MFRP: variants seen among roughly 807,000 people sequenced by gnomAD.
MFRP encodes C1q and TNF related 5.
MFRP carries 74 observed loss-of-function variants against 65.8 expected under a neutral mutation model. The observed-to-expected ratio is 1.12, with a 90% confidence interval of 0.93 to 1.36. MFRP has a LOEUF of 1.36. Among genes scored for constraint, MFRP ranks in the 40% most tolerant of loss-of-function variants. The probability of loss-of-function intolerance (pLI) is 0.00; values close to 1 mark genes in which losing one functional copy is unlikely to be tolerated. For missense variants in MFRP, 838 were observed against 736.0 expected, an observed-to-expected ratio of 1.14 and a Z score of -1.60; for synonymous variants, 336 against 288.3, an observed-to-expected ratio of 1.17 and a Z score of -1.68.
intron 9 of MFRP, 104 bp downstream of exon 9, chr11:119,343,712 A>T: frequency 6.9e-7 from 1 of 1,453,206 alleles, no homozygotes; most frequent in Non-Finnish European, 9.6e-7. Flanking sequence ...GGAGTAGCAG[A>T]AGAAAATGAA....
chr11:119,344,030 G>T, intron 8 of MFRP, 66 bp from the exon 9 acceptor site: 1 of 1,600,462 alleles, frequency 6.2e-7, no homozygotes, highest in Non-Finnish European at 8.5e-7. Flanking sequence ...GCACCCAGAA[G>T]GGTCTTCTTC....
At chr11:119,343,466 A>G (rs977551697) in intron 9 of MFRP, among the ~76,000 whole-genome samples, 2 of 152,226 alleles carry the variant, frequency 1.3e-5, no homozygotes, top group Admixed American at 1.3e-4. Context: ...GCAGTGAGCC[A>G]TGATGGTGCT....
intron 11 of MFRP, 74 bp downstream of exon 11, chr11:119,342,522 T>C: frequency 6.3e-7 from 1 of 1,581,710 alleles, no homozygotes; most frequent in Non-Finnish European, 8.6e-7. Context: ...GATGGGACAC[T>C]GTGCAGTACG....
intron 8 of MFRP, 63 bp downstream of exon 8, chr11:119,344,252 T>C: frequency 6.8e-7 from 1 of 1,469,270 alleles, no homozygotes; most frequent in Non-Finnish European, 9.5e-7. Flanking sequence ...CCCATTACAC[T>C]AACTTGGGGA....
chr11:119,339,641 C>G lies in MFRP; in HGVS notation c.*1318G>C, dbSNP rs1332564692. The G allele has an allele frequency of 6.2e-7, 1 of 1,612,576 alleles. No individual in the cohort carries two copies. Among genetic ancestry groups the G allele is most frequent in the East Asian group, 2.2e-5 (1 of 44,900 alleles). ...CCCAGGCACCTGGCAGGTGAACTTG[C>G]CGGTGACGGCGTCGTAATGTCCCTG... On this transcript the variant is annotated 3_prime_UTR_variant, in exon 15 of 15. Coordinates refer to ENST00000619721, the MANE Select transcript of MFRP (RefSeq NM_031433.4). The surrounding 1 kb of genome is among the most constrained non-coding windows in gnomAD (Gnocchi z 5.4).
chr11:119,345,941 A>C lies in MFRP; in HGVS notation c.272-13T>G. On this transcript the variant is annotated splice_polypyrimidine_tract_variant and intron_variant, in intron 3 of 14. Coordinates refer to ENST00000619721, the MANE Select transcript of MFRP (RefSeq NM_031433.4). ...GCAGCCTGCAGCTCTGGAGGCGAGA[A>C]GATGGAGGGTGGCGTTCAGAGGAGC... The C allele has an allele frequency of 6.2e-7, 1 of 1,613,770 alleles. No individual in the cohort carries two copies. Among genetic ancestry groups the C allele is most frequent in the Non-Finnish European group, 8.5e-7 (1 of 1,179,964 alleles).
At chr11:119,344,850 A>G in intron 6 of MFRP, 24 bp downstream of exon 6, 2 of 1,613,458 alleles carry the variant, frequency 1.2e-6, no homozygotes, top group Middle Eastern at 1.6e-4. Context: ...TGGACACTCA[A>G]CAGGCAGGTG....
At chr11:119,342,107 A>T in intron 11 of MFRP, 123 bp from the exon 12 acceptor site, 1 of 1,196,400 alleles carries the variant, frequency 8.4e-7, no homozygotes, top group Non-Finnish European at 1.2e-6. Flanking sequence ...GTGAGGAAGC[A>T]AGAGGATAAC....
intron 7 of MFRP, 23 bp downstream of exon 7, chr11:119,344,609 G>A: frequency 6.2e-7 from 1 of 1,613,884 alleles, no homozygotes; most frequent in Non-Finnish European, 8.5e-7. Context: ...CCTGAAGAGA[G>A]GACCCCCATG....
At position 119,344,920 on chromosome 11, in the gene MFRP, T is replaced by C. The variant is rs781062962; in HGVS notation, c.726A>G (p.Glu242=). 1.9e-6 allele frequency: 3 copies of C among 1,612,044 alleles called. No homozygotes were observed. Among genetic ancestry groups the C allele is most frequent in the South Asian group, 2.2e-5 (2 of 90,770 alleles). The change falls in exon 6 of 15, where the codon GAA becomes GAG. Residue 242 remains glutamate (E), a synonymous_variant. Transcript: ENST00000619721. Reference sequence around the variant, plus strand: ...GGTACCAGGCATGGAAACCAAATCCTTCCACACTGCTGTCAGAGACGAAGA... The same window carrying C: ...GGTACCAGGCATGGAAACCAAATCCCTCCACACTGCTGTCAGAGACGAAGA... ...LVVFVSDSSV[E]GFGFHAWYQA...
chr11:119,345,094 C>T, intron 5 of MFRP, 90 bp from the exon 6 acceptor site: 1 of 1,512,722 alleles, frequency 6.6e-7, no homozygotes. Context: ...CCTATTTTCT[C>T]AACCCCCAAA....
In MFRP at chr11:119,339,465, C is replaced by G. The variant is rs763473287; in HGVS notation, c.*1494G>C. 17 of 1,613,798 alleles carry G rather than the reference C, an allele frequency of 1.1e-5. No homozygotes were observed. In the Admixed American group the frequency reaches 2.8e-4, roughly 27 times the overall value. On this transcript the variant is annotated 3_prime_UTR_variant, in exon 15 of 15. Coordinates refer to ENST00000619721, the MANE Select transcript of MFRP (RefSeq NM_031433.4). The surrounding 1 kb of genome is among the most constrained non-coding windows in gnomAD (Gnocchi z 5.4). ...TGCACCCACACTTGGTCCTCAGGCT[C>G]CAGCCTCACCATGGCCCCCCCCGAG...
Position 119,340,235 on chromosome 11 carries a change from G to C in MFRP, c.*1059C>G, listed in dbSNP as rs1040241545. ...CCCGGAGCCCCGGGCGCGCCGTCGCGGCCGTCGCGGCCATCGCGGCCCGGC... is the reference window on the plus strand; with the variant it reads ...CCCGGAGCCCCGGGCGCGCCGTCGCCGCCGTCGCGGCCATCGCGGCCCGGC... On this transcript the variant is annotated 3_prime_UTR_variant, in exon 14 of 15. Coordinates refer to ENST00000619721, the MANE Select transcript of MFRP (RefSeq NM_031433.4). The C allele has an allele frequency of 6.6e-7, 1 of 1,512,956 alleles. No homozygotes were observed. The highest frequency in any genetic ancestry group is 1.5e-5 in the African/African-American group (1 of 68,682). 93.7% of individuals were successfully genotyped at this position (1,512,956 alleles called of 1,614,324 possible).
Position 119,343,922 on chromosome 11 carries a change from C to T in MFRP, c.1018G>A (p.Glu340Lys), listed in dbSNP as rs777183737. The T allele has an allele frequency of 6.8e-6, 11 of 1,613,426 alleles. No individual in the cohort carries two copies. Among genetic ancestry groups the T allele is most frequent in the Admixed American group, 6.7e-5 (4 of 59,966 alleles). The change falls in exon 9 of 15, where the codon GAA becomes AAA. Residue 340 changes from glutamate (E) to lysine (K), a missense_variant. By Grantham distance (56) the Glu-to-Lys change is moderately conservative. Coordinates refer to ENST00000619721, the MANE Select transcript of MFRP (RefSeq NM_031433.4). ...AGGCTGAAGTTGTGGAACTGTAGTT[C>T]TATGCTGTGTCCGGCAGGCACCGAG... ...HISVPAGHSI[E>K]LQFHNFSLEA...
At position 119,339,011 on chromosome 11, in the gene MFRP, G is replaced by A. The variant is rs1490419899; in HGVS notation, c.*1948C>T. On this transcript the variant is annotated 3_prime_UTR_variant, in exon 15 of 15. Transcript: ENST00000619721. This position sits in a 1 kb window ranked among gnomAD's most constrained non-coding sequence, Gnocchi z 5.4. ...CCCCAGGAGCAGGAGGGGGTGGGGA[G>A]GATCCAGAGAAGCAGAGGACCAGGA... The A allele has an allele frequency of 6.8e-6, 2 of 292,044 alleles. No individual in the cohort carries two copies. Among genetic ancestry groups the A allele is most frequent in the Non-Finnish European group, 1.3e-5 (2 of 155,926 alleles). 18.1% of individuals were successfully genotyped at this position (292,044 alleles called of 1,614,324 possible).
chr11:119,341,240 G>A lies in MFRP; in HGVS notation c.*308C>T. 2.2e-6 allele frequency: 1 copy of A among 450,240 alleles called. No homozygotes were observed. The allele number at this position is 450,240 out of a possible 1,614,324, so 27.9% of individuals were successfully genotyped here. A position where few individuals can be genotyped will look rare whatever the true frequency, so the allele number is the denominator to read the frequency against. ...TGTTGAATCAAGGAAAAGGTCAGAA[G>A]GCAGGCGATGGAGAAGCTGAAAAAG... On this transcript the variant is annotated 3_prime_UTR_variant, in exon 13 of 15. Coordinates refer to ENST00000619721, the MANE Select transcript of MFRP (RefSeq NM_031433.4).
At position 119,339,843 on chromosome 11, in the gene MFRP, G is replaced by A. The variant is rs780496823; in HGVS notation, c.*1116C>T. On this transcript the variant is annotated 3_prime_UTR_variant, in exon 15 of 15. Transcript: ENST00000619721. The surrounding 1 kb of genome is among the most constrained non-coding windows in gnomAD (Gnocchi z 5.4). ...GGCCCGGGGTCCCCTCGAGGTCCCGGCAGTCCTGCGGGGTAAGCGGGGCGG... is the reference window on the plus strand; with the variant it reads ...GGCCCGGGGTCCCCTCGAGGTCCCGACAGTCCTGCGGGGTAAGCGGGGCGG... 1 of 1,490,654 alleles carries A rather than the reference G, an allele frequency of 6.7e-7. No individual in the cohort carries two copies. Among genetic ancestry groups the A allele is most frequent in the Non-Finnish European group, 8.9e-7 (1 of 1,127,778 alleles). The allele number at this position is 1,490,654 out of a possible 1,614,324, so 92.3% of individuals were successfully genotyped here.
rs1463249613 is a variant in MFRP, at chr11:119,344,625, C to T, written c.898+7G>A. ...CTGAAGAGAGGACCCCCATGCCTGG[C>T]CCGTACCCGAGAACTTGGCACTGCA... On this transcript the variant is annotated splice_region_variant and intron_variant, in intron 7 of 14. Transcript: ENST00000619721. The T allele has an allele frequency of 8.1e-6, 13 of 1,613,898 alleles. No individual in the cohort carries two copies. Among genetic ancestry groups the T allele is most frequent in the South Asian group, 1.1e-5 (1 of 91,086 alleles).
chr11:119,341,713 C>A lies in MFRP; in HGVS notation c.1575G>T (p.Val525=). 1 of 1,613,184 alleles carries A rather than the reference C, an allele frequency of 6.2e-7. No homozygotes were observed. Among genetic ancestry groups the A allele is most frequent in the Non-Finnish European group, 8.5e-7 (1 of 1,180,024 alleles). The change falls in exon 13 of 15, where the codon GTG becomes GTT. Residue 525 remains valine, a synonymous_variant. Transcript: ENST00000619721. ...CACTGCCTAGTGGGGTGCAACGGGGCACAAGCAGCCCACACAGGAGCCTCC... is the reference window on the plus strand; with the variant it reads ...CACTGCCTAGTGGGGTGCAACGGGGAACAAGCAGCCCACACAGGAGCCTCC... ...HFRRLLCGLL[V]PRCTPLGSVL...
Sources: allele counts gnomAD v4.1 joint callset (sites outside exome capture counted in the v4.1 genomes callset), GRCh38; gene constraint gnomAD v4.1.1; non-coding constraint Gnocchi (gnomAD v3.1); transcripts MANE v1.5; gene names NCBI Gene and HGNC (gene_info 2026-07-23, HGNC 2026-07-21).